PSEN1: variants seen among roughly 807,000 people sequenced by gnomAD.
PSEN1 encodes presenilin-1.
A neutral mutation model predicts 53.5 loss-of-function variants in PSEN1; 15 were observed. That is an observed-to-expected ratio of 0.28 (90% confidence interval 0.19 to 0.43). The LOEUF (loss-of-function observed/expected upper bound fraction) is 0.43, where lower values mean the gene tolerates loss of function less well. Ranked by LOEUF, PSEN1 falls within the 20% of genes least tolerant of loss-of-function variation. The pLI, the probability that PSEN1 is intolerant of heterozygous loss-of-function variation, is 1.00. For missense variants in PSEN1, 387 were observed against 571.2 expected (o/e 0.68, Z 3.29); for synonymous variants, 208 against 209.8 (o/e 0.99, Z 0.08).
At chr14:73,195,687 G>A (rs779040789) in intron 7 of PSEN1, among the ~76,000 whole-genome samples, 1 of 152,106 alleles carries the variant, frequency 6.6e-6, no homozygotes, top group Non-Finnish European at 1.5e-5. Flanking sequence ...AAAAGCCTGG[G>A]CTCAAGCAGT....
intron 8 of PSEN1, among the ~76,000 whole-genome samples, chr14:73,202,102 T>C (rs888603443): frequency 4.6e-5 from 7 of 151,946 alleles, no homozygotes; most frequent in Non-Finnish European, 8.8e-5. Context: ...TGGAGTGCAG[T>C]GGCGCAATCT....
intron 7 of PSEN1, 46 bp from the exon 8 acceptor site, chr14:73,197,985 A>G (rs1421365947): frequency 9.5e-7 from 1 of 1,051,422 alleles, no homozygotes; most frequent in Non-Finnish European, 1.5e-6. Flanking sequence ...TTACAAGTTT[A>G]GCCCATACAT....
At chr14:73,180,513 A>G (rs566008136) in intron 5 of PSEN1, among the ~76,000 whole-genome samples, 18 of 152,354 alleles carry the variant, frequency 1.2e-4, no homozygotes, top group African/African-American at 4.1e-4. Context: ...AGGATTTTTC[A>G]TATCAGTGGT....
intron 1 of PSEN1, among the ~76,000 whole-genome samples, chr14:73,140,202 C>CTTTTTTTT (rs35223948): frequency 8.2e-5 from 6 of 73,040 alleles, no homozygotes; most frequent in Non-Finnish European, 1.5e-4. Context: ...TTTTGCTATT[C>CTTTTTTTT]TTTTTTTTTT....
chr14:73,149,412 G>A (rs1378665004), intron 3 of PSEN1, among the ~76,000 whole-genome samples: 1 of 152,030 alleles, frequency 6.6e-6, no homozygotes, highest in Non-Finnish European at 1.5e-5. Context: ...GTCACAAAAG[G>A]CTGAAAGGCC....
At chr14:73,212,115 T>C (rs1347970323) in intron 10 of PSEN1, among the ~76,000 whole-genome samples, 173 bp downstream of exon 10, 1 of 98,110 alleles carries the variant, frequency 1.0e-5, no homozygotes, top group Non-Finnish European at 2.1e-5. Flanking sequence ...TTTTTTTTTT[T>C]TTTTTTTTTT....
intron 9 of PSEN1, chr14:73,208,826 GC>G (rs1899558953): frequency 2.2e-6 from 1 of 454,730 alleles, no homozygotes; most frequent in African/African-American, 2.0e-5. Context: ...CCGCCTAGGA[GC>G]CTGTCTGCCT....
chr14:73,146,497 C>G (rs1363867711), intron 1 of PSEN1, among the ~76,000 whole-genome samples: 1 of 152,134 alleles, frequency 6.6e-6, no homozygotes, highest in African/African-American at 2.4e-5. Flanking sequence ...TGATCTCATG[C>G]TAGCTGACAA....
At chr14:73,182,476 A>G (rs1468874822) in intron 5 of PSEN1, among the ~76,000 whole-genome samples, 1 of 151,944 alleles carries the variant, frequency 6.6e-6, no homozygotes, top group Non-Finnish European at 1.5e-5. Context: ...CAGCCTGGGC[A>G]ACACAGTGAG....
chr14:73,186,930 GA>G lies in PSEN1; in HGVS notation c.548+13del. 1 of 1,606,616 alleles carries G rather than the reference GA, an allele frequency of 6.2e-7. No individual in the cohort carries two copies. Among genetic ancestry groups the G allele is most frequent in the South Asian group, 1.1e-5 (1 of 90,924 alleles). On this transcript the variant is annotated intron_variant, in intron 6 of 11. Transcript: ENST00000324501. The stretch of plus-strand genomic sequence containing the variant: ...CATTCATTTACTTGGGGTAAGTTGT[GA>G]AATTTTTGGTCTGTCTTTCAGAATT...
chr14:73,149,080 C>T (rs965202643), intron 3 of PSEN1, among the ~76,000 whole-genome samples: 2 of 152,284 alleles, frequency 1.3e-5, no homozygotes, highest in Middle Eastern at 3.4e-3. Flanking sequence ...CAACTATAAG[C>T]TATCCAGTTG....
intron 3 of PSEN1, 57 bp downstream of exon 3, chr14:73,148,163 C>A: frequency 7.5e-7 from 1 of 1,342,250 alleles, no homozygotes; most frequent in East Asian, 2.3e-5. Flanking sequence ...TATCATCTCC[C>A]CTCACCTCTG....
chr14:73,198,014 T>C lies in PSEN1; in HGVS notation c.770-17T>C. On this transcript the variant is annotated splice_polypyrimidine_tract_variant and intron_variant, in intron 7 of 11. Transcript: ENST00000324501. ...CATACATTTTATTAGATGTCTTTTA[T>C]GTTTTTCTTTTTCTAGATTTAGTGG... The C allele has an allele frequency of 6.8e-7, 1 of 1,465,044 alleles. No individual in the cohort carries two copies. The highest frequency in any genetic ancestry group is 1.7e-5 in the Admixed American group (1 of 59,620). 90.8% of individuals were successfully genotyped at this position (1,465,044 alleles called of 1,614,324 possible).
chr14:73,162,175 A>G (rs138923281), intron 3 of PSEN1, among the ~76,000 whole-genome samples: 2,190 of 147,968 alleles, frequency 0.015, 54 homozygotes, highest in African/African-American at 0.05. Context: ...GCAAAACTCC[A>G]TCTCAAAAAA....
chr14:73,137,639 G>C (rs1042527943), intron 1 of PSEN1, among the ~76,000 whole-genome samples: 1 of 152,190 alleles, frequency 6.6e-6, no homozygotes, highest in Non-Finnish European at 1.5e-5. Context: ...TGAGGAGAAT[G>C]AGTGTGGTTG....
chr14:73,214,005 A>G (rs966689164), intron 10 of PSEN1, among the ~76,000 whole-genome samples: 23 of 152,368 alleles, frequency 1.5e-4, no homozygotes, highest in African/African-American at 5.0e-4. Flanking sequence ...ATTTTAAAAC[A>G]TATGTCAACA....
chr14:73,144,532 C>T (rs769014163), intron 1 of PSEN1, among the ~76,000 whole-genome samples: 19 of 152,106 alleles, frequency 1.2e-4, no homozygotes, highest in East Asian at 1.9e-4. Context: ...TAAACTCCTA[C>T]GGGGCAGGTT....
At chr14:73,217,267 GT>G (rs1434042087) in intron 11 of PSEN1, 23 bp downstream of exon 11, 10 of 1,613,498 alleles carry the variant, frequency 6.2e-6, no homozygotes, top group Non-Finnish European at 8.5e-6. Context: ...TAATAAGAAT[GT>G]GTCAGAGCTC....
chr14:73,151,875 ATTTTATATATATATATATATTTTTT>A, intron 3 of PSEN1, among the ~76,000 whole-genome samples: 1 of 78,144 alleles, frequency 1.3e-5, no homozygotes, highest in African/African-American at 5.4e-5. Context: ...AACCTAAAAT[ATTTTATATATATATATATATTTTTT>A]TTTTTTTTTT....
Sources: allele counts gnomAD v4.1 joint callset (sites outside exome capture counted in the v4.1 genomes callset), GRCh38; gene constraint gnomAD v4.1.1; transcripts MANE v1.5; gene names NCBI Gene and HGNC (gene_info 2026-07-23, HGNC 2026-07-21).